LIPI: variants seen among roughly 807,000 people sequenced by gnomAD.
The protein encoded by LIPI is lipase I.
LIPI carries 59 observed loss-of-function variants against 50.6 expected under a neutral mutation model. That is an observed-to-expected ratio of 1.16 (90% CI 0.94 to 1.45). The LOEUF (loss-of-function observed/expected upper bound fraction) is 1.45. LIPI is among the 40% of genes most tolerant of loss of function. The pLI is 0.00. For synonymous variants in LIPI, 203 were observed against 178.2 expected (o/e 1.14, Z -1.11); for missense variants, 586 against 536.3 (o/e 1.09, Z -0.92).
intron 9 of LIPI, among the ~76,000 whole-genome samples, chr21:14,130,889 G>C (rs767781577): frequency 6.6e-6 from 1 of 152,156 alleles, no homozygotes; most frequent in East Asian, 1.9e-4. Flanking sequence ...ATGCTACCCA[G>C]AGATCTGAGA....
At position 14,167,902 on chromosome 21, in the gene LIPI, T is replaced by C. The variant is rs1404199865; in HGVS notation, c.644-1451A>G. 3.3e-5 allele frequency among the ~76,000 whole-genome samples: 5 copies of C among 152,148 alleles called. No individual in the cohort carries two copies. The South Asian group carries it at 1.0e-3, about 32-fold the overall frequency. On this transcript the variant is annotated intron_variant, in intron 4 of 9. Coordinates refer to ENST00000681601, the MANE Select transcript of LIPI (RefSeq NM_001302998.2). ...CAAGCTGAGAGAAGAAGGCTTCAGA[T>C]GATCAAATTACTCCGAACTACGGGA... is the stretch of plus-strand genomic sequence containing the variant.
intron 7 of LIPI, among the ~76,000 whole-genome samples, chr21:14,160,824 T>C (rs1352595149): frequency 6.6e-6 from 1 of 151,134 alleles, no homozygotes; most frequent in African/African-American, 2.4e-5. Flanking sequence ...TTGAAAAATA[T>C]CCAAAAGACA....
At chr21:14,120,762 G>A (rs1217125082) in intron 9 of LIPI, among the ~76,000 whole-genome samples, 1 of 152,216 alleles carries the variant, frequency 6.6e-6, no homozygotes, top group Non-Finnish European at 1.5e-5. Context: ...TTCAGATGGG[G>A]AGGCGTGCCA....
At chr21:14,181,540 AC>A (rs1348732982) in intron 4 of LIPI, among the ~76,000 whole-genome samples, 1 of 152,126 alleles carries the variant, frequency 6.6e-6, no homozygotes, top group Non-Finnish European at 1.5e-5. Flanking sequence ...ACATCTTGAA[AC>A]CCGAAGGAGG....
chr21:14,189,467 A>T, intron 1 of LIPI, 48 bp from the exon 2 acceptor site: 6 of 1,537,504 alleles, frequency 3.9e-6, no homozygotes, highest in Non-Finnish European at 5.4e-6. Context: ...ATAGTATTTT[A>T]TTCCTGTTGC....
chr21:14,189,121 C>G lies in LIPI; in HGVS notation c.345G>C (p.Arg115=), dbSNP rs1279889548. 6.2e-7 allele frequency: 1 copy of G among 1,613,782 alleles called. No homozygotes were observed. The highest frequency in any genetic ancestry group is 8.5e-7 in the Non-Finnish European group (1 of 1,179,988). ...DMNVIVVDWS[R]GATTFIYNRA... ...TATTATAAATAAAAGTTGTAGCACC[C>G]CGGCTCCAGTCTACTACAATTACAT... Residue 115 remains arginine (R), a synonymous_variant, in exon 2 of 10, where the codon CGG becomes CGC. Coordinates refer to ENST00000681601, the MANE Select transcript of LIPI (RefSeq NM_001302998.2).
intron 9 of LIPI, chr21:14,144,121 TAGA>T: frequency 6.5e-6 from 1 of 154,134 alleles, no homozygotes; most frequent in Non-Finnish European, 1.4e-5. Context: ...CATAGAATCT[TAGA>T]TAAAGCAGAT....
chr21:14,165,800 C>A (rs1191935584), intron 5 of LIPI, among the ~76,000 whole-genome samples: 1 of 152,186 alleles, frequency 6.6e-6, no homozygotes, highest in African/African-American at 2.4e-5. Flanking sequence ...TCTTTTCCAA[C>A]CTTGCACATC....
intron 8 of LIPI, among the ~76,000 whole-genome samples, chr21:14,148,642 T>A (rs1420102540): frequency 6.6e-6 from 1 of 152,236 alleles, no homozygotes; most frequent in Non-Finnish European, 1.5e-5. Context: ...AAACCTATGC[T>A]ACACTCCATA....
At chr21:14,172,428 G>A (rs1220915679) in intron 4 of LIPI, among the ~76,000 whole-genome samples, 8 of 152,106 alleles carry the variant, frequency 5.3e-5, no homozygotes, top group Non-Finnish European at 1.0e-4. Flanking sequence ...TATGTTTATT[G>A]CAGCACTATT....
intron 1 of LIPI, among the ~76,000 whole-genome samples, chr21:14,205,927 T>C (rs1019502617): frequency 1.8e-4 from 28 of 152,146 alleles, no homozygotes; most frequent in African/African-American, 6.8e-4. Flanking sequence ...GTACATAATA[T>C]AGAATTTTAT....
intron 7 of LIPI, among the ~76,000 whole-genome samples, chr21:14,158,157 T>C (rs1247390731): frequency 6.6e-6 from 1 of 151,824 alleles, no homozygotes; most frequent in Non-Finnish European, 1.5e-5. Flanking sequence ...AGAATACACA[T>C]GTATTGCCAG....
At chr21:14,208,964 T>A (rs2020296107) in intron 1 of LIPI, among the ~76,000 whole-genome samples, 1 of 152,050 alleles carries the variant, frequency 6.6e-6, no homozygotes, top group South Asian at 2.1e-4. Flanking sequence ...AGCCAGAGGA[T>A]TTCTTGAACC....
At position 14,164,799 on chromosome 21, in the gene LIPI, T is replaced by C. The variant is rs111656374; in HGVS notation, c.901+424A>G. ...ACCATGTTTCATGTCTACTTGGTGA[T>C]AGCAAATGAGAAGCTAACCATGGCT... On this transcript the variant is annotated intron_variant, in intron 6 of 9. Coordinates refer to ENST00000681601, the MANE Select transcript of LIPI (RefSeq NM_001302998.2). Among the ~76,000 whole-genome samples, 944 of 152,272 alleles carry C rather than the reference T, an allele frequency of 6.2e-3. 13 individuals are homozygous for C. Among genetic ancestry groups the C allele is most frequent in the African/African-American group, 0.022 (901 of 41,560 alleles).
At chr21:14,149,437 C>A (rs2018011883) in intron 8 of LIPI, among the ~76,000 whole-genome samples, 1 of 152,062 alleles carries the variant, frequency 6.6e-6, no homozygotes, top group African/African-American at 2.4e-5. Flanking sequence ...ATCATTCCAC[C>A]CCTGGCCTTC....
intron 9 of LIPI, among the ~76,000 whole-genome samples, chr21:14,138,403 CATA>C (rs1385767937): frequency 6.6e-6 from 1 of 151,950 alleles, no homozygotes; most frequent in African/African-American, 2.4e-5. Flanking sequence ...TAGAGAACAG[CATA>C]ATATTTTTAA....
intron 4 of LIPI, among the ~76,000 whole-genome samples, chr21:14,175,408 T>A (rs2019059472): frequency 6.6e-6 from 1 of 152,238 alleles, no homozygotes; most frequent in Admixed American, 6.5e-5. Context: ...TCCTTCATAA[T>A]GTCCTGACTT....
Position 14,165,362 on chromosome 21 carries a change from C to G in LIPI, c.762G>C (p.Gln254His). Residue 254 changes from glutamine (Q) to histidine (H), a missense_variant, in exon 6 of 10, where the codon CAG (glutamine) becomes CAC (histidine). Gln to His is a conservative substitution (Grantham distance 24). Coordinates refer to ENST00000681601, the MANE Select transcript of LIPI (RefSeq NM_001302998.2). ...SGIQFIKCNH[Q>H]RAVHLFMASL... ...ATGCCATGAACAAGTGAACTGCTCT[C>G]TGGTGGTTGCATTTAATGAATTGAA... The G allele has an allele frequency of 6.2e-7, 1 of 1,611,940 alleles. No individual in the cohort carries two copies. Among genetic ancestry groups the G allele is most frequent in the Non-Finnish European group, 8.5e-7 (1 of 1,178,698 alleles).
At chr21:14,143,327 G>T (rs2017781668) in intron 9 of LIPI, among the ~76,000 whole-genome samples, 1 of 151,982 alleles carries the variant, frequency 6.6e-6, no homozygotes, top group African/African-American at 2.4e-5. Flanking sequence ...CAAAGGCAAG[G>T]AACAATACAA....
Sources: allele counts gnomAD v4.1 joint callset (sites outside exome capture counted in the v4.1 genomes callset), GRCh38; gene constraint gnomAD v4.1.1; transcripts MANE v1.5; gene names NCBI Gene and HGNC (gene_info 2026-07-23, HGNC 2026-07-21).